Variants in GRM1 observed in about 807,000 individuals in gnomAD.
GRM1 encodes metabotropic glutamate receptor 1.
A neutral mutation model predicts 90.9 loss-of-function variants in GRM1; 33 were observed. That is an observed-to-expected ratio of 0.36 (90% CI 0.28 to 0.49). GRM1 has a LOEUF of 0.49. Among genes scored for constraint, GRM1 ranks in the 20% least tolerant of loss-of-function variants. The probability of loss-of-function intolerance (pLI) is 0.99; values close to 1 mark genes in which losing one functional copy is unlikely to be tolerated. For missense variants in GRM1, 1,190 were observed against 1,534.3 expected (o/e 0.78, Z 3.75); for synonymous variants, 700 against 613.2 (o/e 1.14, Z -2.09).
intron 3 of GRM1, among the ~76,000 whole-genome samples, chr6:146,347,581 A>G (rs1320183334): frequency 6.6e-6 from 1 of 152,210 alleles, no homozygotes; most frequent in African/African-American, 2.4e-5. Context: ...AAATATGCCA[A>G]TTGTAGTAGT....
At chr6:146,325,016 G>T (rs968602038) in intron 3 of GRM1, among the ~76,000 whole-genome samples, 1 of 152,112 alleles carries the variant, frequency 6.6e-6, no homozygotes, top group African/African-American at 2.4e-5. Context: ...TTAATTATAG[G>T]TACTTTATAT....
chr6:146,141,291 T>TC (rs1031270809), intron 1 of GRM1, among the ~76,000 whole-genome samples: 6 of 152,016 alleles, frequency 3.9e-5, no homozygotes, highest in African/African-American at 1.2e-4. Context: ...TTTTTTTTTT[T>TC]TCTCTTGCTG....
chr6:146,137,894 G>A (rs1020501878), intron 1 of GRM1, among the ~76,000 whole-genome samples: 1 of 151,980 alleles, frequency 6.6e-6, no homozygotes, highest in Non-Finnish European at 1.5e-5. Context: ...TAATGCCTAG[G>A]TATTTAATTT....
chr6:146,159,268 A>C, intron 1 of GRM1, 80 bp from the exon 2 acceptor site: 1 of 1,563,804 alleles, frequency 6.4e-7, no homozygotes, highest in Non-Finnish European at 8.8e-7. Flanking sequence ...CATTCCTGTG[A>C]CTAACAAGTT....
chr6:146,165,204 G>A (rs1777865782), intron 2 of GRM1, among the ~76,000 whole-genome samples: 2 of 152,046 alleles, frequency 1.3e-5, no homozygotes, highest in Non-Finnish European at 2.9e-5. Context: ...TTGGAAAGAA[G>A]ACTACAGTTT....
chr6:146,360,636 A>G (rs984133938), intron 5 of GRM1, among the ~76,000 whole-genome samples: 1 of 152,144 alleles, frequency 6.6e-6, no homozygotes, highest in Non-Finnish European at 1.5e-5. Flanking sequence ...GAGTGAGGGC[A>G]CCCTGGTTTT....
chr6:146,173,503 G>C (rs1000658347), intron 2 of GRM1, among the ~76,000 whole-genome samples: 1 of 151,576 alleles, frequency 6.6e-6, no homozygotes, highest in African/African-American at 2.4e-5. Flanking sequence ...ATCTCTTTTT[G>C]TGAATAAACT....
intron 2 of GRM1, among the ~76,000 whole-genome samples, chr6:146,275,519 G>C (rs976773223): frequency 1.3e-5 from 2 of 150,562 alleles, no homozygotes; most frequent in African/African-American, 4.9e-5. Flanking sequence ...TCTCTCTCTC[G>C]CTCTCTGTCT....
chr6:146,234,773 C>T (rs1194854450), intron 2 of GRM1, among the ~76,000 whole-genome samples: 1 of 152,080 alleles, frequency 6.6e-6, no homozygotes, highest in Non-Finnish European at 1.5e-5. Context: ...GACAGGGTCT[C>T]ACTCTGTCAC....
chr6:146,243,839 A>G (rs1261234382), intron 2 of GRM1, among the ~76,000 whole-genome samples: 2 of 152,084 alleles, frequency 1.3e-5, no homozygotes, highest in Non-Finnish European at 2.9e-5. Context: ...GGCTTATTTC[A>G]TCCCTTATCT....
intron 2 of GRM1, among the ~76,000 whole-genome samples, chr6:146,186,183 G>A (rs2114564185): frequency 7.1e-6 from 1 of 139,954 alleles, no homozygotes; most frequent in South Asian, 2.3e-4. Flanking sequence ...TCACCATGTT[G>A]GCCAAGCTGG....
rs1473351574 is a variant in GRM1 at position 146,203,118 on chromosome 6, C to T, written c.950+43521C>T. On this transcript the variant is annotated intron_variant, in intron 2 of 7. Transcript: ENST00000282753. The stretch of plus-strand genomic sequence containing the variant: ...CTGAGGCAGGAGAATGGCGTGAACC[C>T]GGGAGGCGGAGCTTGCAGTGAGCCA... Among the ~76,000 whole-genome samples, 3 of 151,842 alleles carry T rather than the reference C, an allele frequency of 2.0e-5. No homozygotes were observed. In the East Asian group the frequency reaches 5.8e-4, roughly 29 times the overall value.
intron 1 of GRM1, among the ~76,000 whole-genome samples, chr6:146,135,561 C>T (rs975273005): frequency 6.6e-6 from 1 of 152,186 alleles, no homozygotes; most frequent in Non-Finnish European, 1.5e-5. Flanking sequence ...CACTGTAACC[C>T]AGGGCAGTGC....
intron 1 of GRM1, among the ~76,000 whole-genome samples, chr6:146,092,757 A>G (rs1038748475): frequency 1.3e-5 from 2 of 152,106 alleles, no homozygotes; most frequent in Non-Finnish European, 2.9e-5. Context: ...AGCAGAACCA[A>G]GAGGAAGCAA....
At chr6:146,381,832 G>A (rs764963064) in intron 5 of GRM1, among the ~76,000 whole-genome samples, 23 of 151,888 alleles carry the variant, frequency 1.5e-4, no homozygotes, top group Non-Finnish European at 2.6e-4. Flanking sequence ...CCACCATTAT[G>A]TTCTCTTGAT....
chr6:146,416,628 ATGTTTCTCCTT>A, intron 7 of GRM1, among the ~76,000 whole-genome samples: 1 of 152,100 alleles, frequency 6.6e-6, no homozygotes, highest in East Asian at 1.9e-4. Context: ...GTATCCCCAT[ATGTTTCTCCTT>A]TACGTTATAA....
chr6:146,430,462 A>C (rs540242106), intron 7 of GRM1, among the ~76,000 whole-genome samples: 6 of 152,268 alleles, frequency 3.9e-5, no homozygotes, highest in Admixed American at 3.9e-4. Flanking sequence ...GTCGGAGCAA[A>C]AGGTTCAGGT....
At chr6:146,397,484 G>GAAAAAAAAAA (rs577471775) in intron 6 of GRM1, among the ~76,000 whole-genome samples, 34 of 45,026 alleles carry the variant, frequency 7.6e-4, no homozygotes, top group Non-Finnish European at 1.1e-3. Flanking sequence ...AAAAAAAAAA[G>GAAAAAAAAAA]AAAAAAAAAA....
intron 3 of GRM1, among the ~76,000 whole-genome samples, chr6:146,334,942 G>A (rs1434993088): frequency 6.6e-6 from 1 of 152,102 alleles, no homozygotes; most frequent in East Asian, 1.9e-4. Context: ...GGATTCCTGT[G>A]TAAAGAATTT....
Sources: gnomAD v4.1 joint callset for allele counts (sites outside exome capture counted in the v4.1 genomes callset) on GRCh38, gnomAD v4.1.1 for gene constraint, MANE v1.5 for transcripts, NCBI Gene and HGNC (gene_info 2026-07-23, HGNC 2026-07-21) for gene names.